CP: variants seen among roughly 807,000 people sequenced by gnomAD.
The protein encoded by CP is caeruloplasmin.
CP carries 64 observed loss-of-function variants against 122.4 expected under a neutral mutation model. The observed-to-expected ratio is 0.52, with a 90% CI of 0.43 to 0.64. The LOEUF (loss-of-function observed/expected upper bound fraction) is 0.64, where lower values mean the gene tolerates loss of function less well. Among genes scored for constraint, CP ranks in the 30% least tolerant of loss-of-function variants. The pLI is 0.00. For synonymous variants in CP, 440 were observed against 436.4 expected (o/e 1.01, Z -0.10); for missense variants, 1,167 against 1,284.4 (o/e 0.91, Z 1.40).
At chr3:149,167,872 A>C, downstream of CP, 1 of 1,436,170 alleles carries the variant, frequency 7.0e-7, no homozygotes. Context: ...ACTAAAATTT[A>C]TTCATTTTTT....
At chr3:149,175,258 C>T (rs755179726) in intron 18 of CP, among the ~76,000 whole-genome samples, 2 of 152,018 alleles carry the variant, frequency 1.3e-5, no homozygotes, top group African/African-American at 2.4e-5. Flanking sequence ...AAGTTATTGG[C>T]GTTAAATTTA....
chr3:149,209,056 T>C lies in CP; in HGVS notation c.781+155A>G, dbSNP rs891711938. Among the ~76,000 whole-genome samples the C allele has an allele frequency of 3.9e-5, 6 of 152,292 alleles. 1 individual carries two copies. Among genetic ancestry groups the C allele is most frequent in the Admixed American group, 1.3e-4 (2 of 15,288 alleles). On this transcript the variant is annotated intron_variant, in intron 4 of 18. Coordinates refer to ENST00000264613, the MANE Select transcript of CP (RefSeq NM_000096.4). ...CTGGCTTAGAGTTTTTATTCTGACT[T>C]ACTTAGCTGAATATCAAATTGCACA... is the stretch of plus-strand genomic sequence containing the variant.
intron 1 of CP, among the ~76,000 whole-genome samples, chr3:149,214,298 G>A (rs76660859): frequency 0.011 from 1,740 of 152,240 alleles, 26 homozygotes; most frequent in African/African-American, 0.04. Context: ...CAATGGTCCT[G>A]GTGGCTGAGT....
rs886058089 is a variant in CP at position 149,210,266 on chromosome 3, C to T, written c.508G>A (p.Gly170Arg). ...ATCCTAGTCACACAATTGCCATCTC[C>T]TTCCCCAGGACTTTGTTCTTCAGTG... is the stretch of plus-strand genomic sequence containing the variant. ...LATEEQSPGE[G>R]DGNCVTRIYH... The change falls in exon 3 of 19, where the codon GGA becomes AGA. Residue 170 changes from glycine to arginine, a missense_variant. By Grantham distance (125) the Gly-to-Arg change is moderately radical. Transcript: ENST00000264613. 1.2e-6 allele frequency: 2 copies of T among 1,614,096 alleles called. No individual in the cohort carries two copies. The highest frequency in any genetic ancestry group is 2.2e-5 in the East Asian group (1 of 44,878).
chr3:149,172,351 C>CAT (rs1553756791), downstream of CP: 29 of 702,230 alleles, frequency 4.1e-5, no homozygotes, highest in African/African-American at 3.8e-4. Flanking sequence ...CACACACACA[C>CAT]ACACATATAT....
chr3:149,205,769 G>C (rs1219649283), intron 6 of CP, among the ~76,000 whole-genome samples: 1 of 152,102 alleles, frequency 6.6e-6, no homozygotes. Context: ...ATTGTTTAAA[G>C]GGTTCAGAGT....
chr3:149,210,050 A>T (rs979166440), intron 3 of CP, 117 bp downstream of exon 3: 1 of 955,666 alleles, frequency 1.0e-6, no homozygotes, highest in Admixed American at 2.0e-5. Context: ...TCTACTTACC[A>T]CCTCTCTACC....
chr3:149,183,536 C>T lies in CP; in HGVS notation c.2355G>A (p.Arg785=). ...IGSKYKKVVY[R]QYTDSTFRVP... is the part of the protein sequence containing the mutation. ...CACGGAATGTGCTATCAGTATACTG[C>T]CGATACACAACTTTCTTGTACTTTG... The change falls in exon 13 of 19, where the codon CGG becomes CGA. Residue 785 remains arginine, a synonymous_variant. Transcript: ENST00000264613. 5 of 1,610,920 alleles carry T rather than the reference C, an allele frequency of 3.1e-6. No homozygotes were observed. The highest frequency in any genetic ancestry group is 4.2e-6 in the Non-Finnish European group (5 of 1,178,702).
chr3:149,199,051 A>T lies in CP; in HGVS notation c.1502-473T>A, dbSNP rs576532610. On this transcript the variant is annotated intron_variant, in intron 8 of 18. Transcript: ENST00000264613. ...TCCTATTTAAATCTTTCAAATTTAC[A>T]TTTGAATAACCTGTTCACAGTCACA... Among the ~76,000 whole-genome samples, 6 of 152,340 alleles carry T rather than the reference A, an allele frequency of 3.9e-5. No homozygotes were observed. In the South Asian group the frequency reaches 1.2e-3, roughly 32 times the overall value.
intron 17 of CP, 24 bp from the exon 18 acceptor site, chr3:149,176,436 A>C: frequency 6.5e-7 from 1 of 1,538,514 alleles, no homozygotes; most frequent in Non-Finnish European, 9.0e-7. Context: ...ATGACAAATA[A>C]TGTATAATAT....
chr3:149,176,824 GA>G, intron 17 of CP: 1 of 162,070 alleles, frequency 6.2e-6, no homozygotes, highest in Non-Finnish European at 1.3e-5. Context: ...AAAGGAAGCA[GA>G]AAAGGAGGCT....
intron 6 of CP, among the ~76,000 whole-genome samples, chr3:149,205,016 A>C (rs1185695847): frequency 6.6e-6 from 1 of 152,062 alleles, no homozygotes; most frequent in Admixed American, 6.6e-5. Flanking sequence ...AACAACAACA[A>C]CACAAATCCC....
At chr3:149,179,994 TG>T (rs1376622457) in intron 14 of CP, 2 of 299,424 alleles carry the variant, frequency 6.7e-6, no homozygotes, top group Non-Finnish European at 1.3e-5. Flanking sequence ...GCTTGAAGTG[TG>T]TTTTCCTAAT....
intron 7 of CP, among the ~76,000 whole-genome samples, chr3:149,201,266 AC>A (rs1727292121): frequency 6.6e-6 from 1 of 151,838 alleles, no homozygotes; most frequent in African/African-American, 2.4e-5. Flanking sequence ...TAGGACAGGC[AC>A]CCGCCACCAC....
At chr3:149,215,404 G>C (rs1559962068) in intron 1 of CP, among the ~76,000 whole-genome samples, 2 of 152,076 alleles carry the variant, frequency 1.3e-5, no homozygotes, top group Non-Finnish European at 2.9e-5. Context: ...AAGTTTTTTG[G>C]GGGGGTTAAA....
intron 7 of CP, among the ~76,000 whole-genome samples, chr3:149,200,715 T>C (rs1314561974): frequency 1.3e-5 from 2 of 152,040 alleles, no homozygotes; most frequent in African/African-American, 2.4e-5. Context: ...TTCGCCATGT[T>C]GACCAGGCTA....
downstream of CP, chr3:149,167,976 A>G (rs747140682): frequency 2.0e-6 from 3 of 1,536,344 alleles, 1 homozygote; most frequent in South Asian, 3.4e-5. Flanking sequence ...ACCTGTCATC[A>G]TTAAAAGGTA....
At chr3:149,211,043 G>A (rs1029630223) in intron 2 of CP, among the ~76,000 whole-genome samples, 6 of 151,998 alleles carry the variant, frequency 3.9e-5, no homozygotes, top group African/African-American at 1.2e-4. Flanking sequence ...AAAATGAATG[G>A]TAATTCCCTA....
In CP at chr3:149,181,909, C is replaced by T. The variant is rs16861596; in HGVS notation, c.2554+96G>A. On this transcript the variant is annotated intron_variant, in intron 14 of 18. Transcript: ENST00000264613. The stretch of plus-strand genomic sequence containing the variant: ...CTCTTCACAACTACCTCCCTTTTCA[C>T]TTTCTTGGTCCAGACTCTCTATGAT... 4.8e-3 allele frequency: 6,793 copies of T among 1,417,064 alleles called. 298 individuals are homozygous for T. In the African/African-American group the frequency reaches 0.085, roughly 18 times the overall value. The allele number at this position is 1,417,064 out of a possible 1,614,324, so 87.8% of individuals were successfully genotyped here.
Sources: gnomAD v4.1 joint callset for allele counts (sites outside exome capture counted in the v4.1 genomes callset) on GRCh38, gnomAD v4.1.1 for gene constraint, MANE v1.5 for transcripts, NCBI Gene and HGNC (gene_info 2026-07-23, HGNC 2026-07-21) for gene names.